The following PPP1R1C variants were observed in gnomAD, a reference collection of about 807,000 sequenced individuals.
PPP1R1C encodes the protein protein phosphatase 1 regulatory subunit 1C.
Under a neutral mutation model 17.4 loss-of-function variants are expected in PPP1R1C, and 15 were observed. The observed-to-expected ratio is 0.86, with a 90% CI of 0.58 to 1.33. The LOEUF is 1.33. Among genes scored for constraint, PPP1R1C ranks in the 40% most tolerant of loss-of-function variants. PPP1R1C has a pLI of 0.00. For synonymous variants in PPP1R1C, 35 were observed against 43.1 expected, an observed-to-expected ratio of 0.81 and a Z score of 0.73; for missense variants, 143 against 130.0, an observed-to-expected ratio of 1.10 and a Z score of -0.48.
intron 2 of PPP1R1C, among the ~76,000 whole-genome samples, chr2:182,031,621 A>G (rs1319639336): frequency 6.6e-6 from 1 of 152,244 alleles, no homozygotes; most frequent in Admixed American, 6.5e-5. Flanking sequence ...AATTTGTATT[A>G]CAATAGCCTC....
At chr2:182,065,999 C>A (rs544268317) in intron 4 of PPP1R1C, among the ~76,000 whole-genome samples, 1 of 152,174 alleles carries the variant, frequency 6.6e-6, no homozygotes, top group African/African-American at 2.4e-5. Flanking sequence ...CAAAATGAAT[C>A]TAATGGTTAA....
chr2:182,006,993 CT>C (rs1685942691), intron 2 of PPP1R1C, among the ~76,000 whole-genome samples: 1 of 152,026 alleles, frequency 6.6e-6, no homozygotes, highest in Non-Finnish European at 1.5e-5. Context: ...ATAAAAATTG[CT>C]TATTGGTTTT....
At chr2:182,020,734 G>A (rs1163667565) in intron 2 of PPP1R1C, among the ~76,000 whole-genome samples, 3 of 152,066 alleles carry the variant, frequency 2.0e-5, no homozygotes, top group African/African-American at 4.8e-5. Context: ...CATATCTTAA[G>A]AGAAAGAAAA....
intron 1 of PPP1R1C, among the ~76,000 whole-genome samples, chr2:181,955,543 GCTTT>G (rs1312133890): frequency 6.6e-6 from 1 of 152,172 alleles, no homozygotes; most frequent in Non-Finnish European, 1.5e-5. Context: ...AGTCTGTGAG[GCTTT>G]CTATTTTAGA....
intron 4 of PPP1R1C, among the ~76,000 whole-genome samples, chr2:182,108,991 G>A (rs572311397): frequency 1.3e-5 from 2 of 152,158 alleles, no homozygotes; most frequent in East Asian, 3.9e-4. Flanking sequence ...CCCTGTCTTC[G>A]CTAGCATTTC....
At chr2:182,022,280 A>G (rs1686451730) in intron 2 of PPP1R1C, among the ~76,000 whole-genome samples, 1 of 152,256 alleles carries the variant, frequency 6.6e-6, no homozygotes, top group South Asian at 2.1e-4. Flanking sequence ...AGCATAGGCT[A>G]AATACCACTT....
intron 2 of PPP1R1C, among the ~76,000 whole-genome samples, chr2:182,042,667 T>G (rs998397816): frequency 1.3e-5 from 2 of 152,152 alleles, no homozygotes; most frequent in Non-Finnish European, 2.9e-5. Context: ...TGGAATGAAG[T>G]AAACAAGAGC....
At chr2:182,022,264 T>C (rs1686451058) in intron 2 of PPP1R1C, among the ~76,000 whole-genome samples, 1 of 152,172 alleles carries the variant, frequency 6.6e-6, no homozygotes, top group South Asian at 2.1e-4. Context: ...TAAAAAATAT[T>C]TAGTGAGCAT....
chr2:182,124,386 T>C (rs1689822874), intron 5 of PPP1R1C, among the ~76,000 whole-genome samples: 3 of 150,570 alleles, frequency 2.0e-5, no homozygotes, highest in African/African-American at 7.3e-5. Context: ...AGGCTCTTTT[T>C]TTGGTTCCAT....
chr2:182,098,133 C>T (rs2125225819), intron 4 of PPP1R1C, among the ~76,000 whole-genome samples: 1 of 152,216 alleles, frequency 6.6e-6, no homozygotes, highest in African/African-American at 2.4e-5. Context: ...CACCCCCAAC[C>T]CCTGGCCTCT....
chr2:182,070,044 A>G (rs898602039), intron 4 of PPP1R1C, among the ~76,000 whole-genome samples: 1 of 152,174 alleles, frequency 6.6e-6, no homozygotes, highest in Admixed American at 6.5e-5. Flanking sequence ...AGCAACATAC[A>G]AGTGGATAGA....
intron 4 of PPP1R1C, among the ~76,000 whole-genome samples, chr2:182,111,046 T>A (rs748712656): frequency 2.0e-5 from 3 of 152,086 alleles, no homozygotes; most frequent in Non-Finnish European, 4.4e-5. Flanking sequence ...AGAGAGATGA[T>A]AAAGATGTGG....
At chr2:182,062,023 T>G (rs1476564186) in intron 3 of PPP1R1C, among the ~76,000 whole-genome samples, 1 of 152,036 alleles carries the variant, frequency 6.6e-6, no homozygotes, top group Admixed American at 6.6e-5. Context: ...GGAGTTTATA[T>G]AGAAAATAGA....
At chr2:182,059,643 A>G (rs567300103) in intron 2 of PPP1R1C, among the ~76,000 whole-genome samples, 2 of 152,226 alleles carry the variant, frequency 1.3e-5, no homozygotes, top group African/African-American at 4.8e-5. Context: ...CAATTTCAAG[A>G]CAAGAATATA....
At chr2:182,026,190 C>T (rs1243458910) in intron 2 of PPP1R1C, among the ~76,000 whole-genome samples, 1 of 90,898 alleles carries the variant, frequency 1.1e-5, no homozygotes, top group East Asian at 2.6e-4. Flanking sequence ...GTTTCTTTTG[C>T]TGTGCAGAAG....
chr2:182,030,697 C>T (rs1248172593), intron 2 of PPP1R1C, among the ~76,000 whole-genome samples: 5 of 149,482 alleles, frequency 3.3e-5, no homozygotes, highest in African/African-American at 1.2e-4. Context: ...AGAGGTGGAG[C>T]CTACAGAGGC....
At chr2:182,019,226 A>G (rs1686344665) in intron 2 of PPP1R1C, among the ~76,000 whole-genome samples, 1 of 152,202 alleles carries the variant, frequency 6.6e-6, no homozygotes, top group Non-Finnish European at 1.5e-5. Flanking sequence ...GTGGAGCTAG[A>G]TGTGGTCTTA....
intron 5 of PPP1R1C, among the ~76,000 whole-genome samples, chr2:182,123,297 G>A (rs1180843620): frequency 6.6e-6 from 1 of 152,194 alleles, no homozygotes; most frequent in Non-Finnish European, 1.5e-5. Context: ...TTTGTGAATA[G>A]TGCCACAATA....
At chr2:182,120,394 A>G (rs1689704900), downstream of PPP1R1C, among the ~76,000 whole-genome samples, 1 of 152,216 alleles carries the variant, frequency 6.6e-6, no homozygotes, top group African/African-American at 2.4e-5. Context: ...GATCAACAAA[A>G]TTGATAGATC....
Sources: gnomAD v4.1 joint callset for allele counts (sites outside exome capture counted in the v4.1 genomes callset) on GRCh38, gnomAD v4.1.1 for gene constraint, MANE v1.5 for transcripts, NCBI Gene and HGNC (gene_info 2026-07-23, HGNC 2026-07-21) for gene names.